Variants in TDRP observed in about 807,000 individuals in gnomAD.
TDRP encodes the protein testis development-related protein.
TDRP carries 12 observed loss-of-function variants against 10.5 expected under a neutral mutation model. The ratio of observed to expected loss-of-function variants is 1.15; its 90% CI spans 0.73 to 1.86. TDRP has a LOEUF of 1.86. Ranked by LOEUF, TDRP falls within the 40% of genes most tolerant of loss-of-function variation. The probability of loss-of-function intolerance (pLI) is 0.00; values close to 1 mark genes in which losing one functional copy is unlikely to be tolerated. For missense variants in TDRP, 353 were observed against 229.2 expected, an observed-to-expected ratio of 1.54 and a Z score of -3.49; for synonymous variants, 139 against 95.4, an observed-to-expected ratio of 1.46 and a Z score of -2.67.
intron 1 of TDRP, among the ~76,000 whole-genome samples, chr8:497,026 G>A (rs1801155382): frequency 6.6e-6 from 1 of 152,194 alleles, no homozygotes; most frequent in South Asian, 2.1e-4. Context: ...AAATTATGCA[G>A]TCTCAGGTAG....
At chr8:538,100 G>C (rs533548576) in intron 1 of TDRP, among the ~76,000 whole-genome samples, 1 of 152,206 alleles carries the variant, frequency 6.6e-6, no homozygotes, top group African/African-American at 2.4e-5. Context: ...CTCCAATCAA[G>C]GCTATCTCAA....
At chr8:496,895 T>C (rs1446863464) in intron 1 of TDRP, among the ~76,000 whole-genome samples, 2 of 152,244 alleles carry the variant, frequency 1.3e-5, no homozygotes, top group East Asian at 1.9e-4. Flanking sequence ...CCTGCCGCCA[T>C]GTAAGACATG....
chr8:492,804 C>A, intron 2 of TDRP, 60 bp from the exon 3 acceptor site: 8 of 1,267,166 alleles, frequency 6.3e-6, no homozygotes, highest in South Asian at 1.8e-5. Flanking sequence ...CAAGCTTTAT[C>A]CATTTTACAA....
In TDRP at chr8:544,787, C is replaced by T. The variant is rs1461784892; in HGVS notation, c.-30G>A. On this transcript the variant is annotated 5_prime_UTR_variant, in exon 1 of 3. Coordinates refer to ENST00000324079, the MANE Select transcript of TDRP (RefSeq NM_001384899.1). The stretch of plus-strand genomic sequence containing the variant: ...AGGCGGGCTCCGGCGTCCCTCCGTC[C>T]GTGCGTCGGGCTGTGGCTCCGCGTC... The T allele has an allele frequency of 4.1e-6, 5 of 1,223,398 alleles. No homozygotes were observed. Among genetic ancestry groups the T allele is most frequent in the South Asian group, 4.1e-5 (1 of 24,348 alleles). 75.8% of individuals were successfully genotyped at this position (1,223,398 alleles called of 1,614,324 possible). A position where few individuals can be genotyped will look rare whatever the true frequency, so the allele number is the denominator to read the frequency against.
intron 1 of TDRP, among the ~76,000 whole-genome samples, chr8:543,317 T>C (rs1802549899): frequency 6.6e-6 from 1 of 151,480 alleles, no homozygotes; most frequent in Admixed American, 6.6e-5. Context: ...TGTCTCAAAA[T>C]AAAAAATAAA....
At chr8:542,298 G>C (rs550403953) in intron 1 of TDRP, among the ~76,000 whole-genome samples, 63 of 152,220 alleles carry the variant, frequency 4.1e-4, no homozygotes, top group African/African-American at 1.5e-3. Context: ...TCCTGTGTGT[G>C]ACACTACAAT....
At chr8:513,909 A>AT (rs1363273674) in intron 1 of TDRP, among the ~76,000 whole-genome samples, 1 of 152,238 alleles carries the variant, frequency 6.6e-6, no homozygotes, top group Non-Finnish European at 1.5e-5. Context: ...TTACATCAAA[A>AT]TAATAAAATA....
chr8:518,776 A>G (rs1397246391), intron 1 of TDRP, among the ~76,000 whole-genome samples: 1 of 151,804 alleles, frequency 6.6e-6, no homozygotes, highest in Non-Finnish European at 1.5e-5. Context: ...TTTTTAGCTT[A>G]AAAGGTCATT....
intron 2 of TDRP, among the ~76,000 whole-genome samples, chr8:493,382 G>C (rs1461097129): frequency 6.6e-6 from 1 of 152,220 alleles, no homozygotes; most frequent in East Asian, 1.9e-4. Flanking sequence ...CTGACAACCA[G>C]GGAACCGGTT....
Position 501,005 on chromosome 8 carries a change from G to A in TDRP, c.109-6408C>T, listed in dbSNP as rs917531902. 4.6e-5 allele frequency among the ~76,000 whole-genome samples: 7 copies of A among 152,264 alleles called. No homozygotes were observed. In the East Asian group the frequency reaches 1.4e-3, roughly 30 times the overall value. ...GTGGATCACAAGGTCAGGAGATCGA[G>A]ACCATCCTGGCTAACACGGTGAAAC... On this transcript the variant is annotated intron_variant, in intron 1 of 2. Transcript: ENST00000324079.
In TDRP at chr8:496,217, T is replaced by C. The variant is rs975048084; in HGVS notation, c.109-1620A>G. 2.0e-5 allele frequency among the ~76,000 whole-genome samples: 3 copies of C among 152,326 alleles called. No homozygotes were observed. In the East Asian group the frequency reaches 5.8e-4, roughly 29 times the overall value. The stretch of plus-strand genomic sequence containing the variant: ...ACAAAAACCGATCACACAACCCATG[T>C]CATGCTGACAGCTTTGGCACACTTG... On this transcript the variant is annotated intron_variant, in intron 1 of 2. Transcript: ENST00000324079.
chr8:535,428 C>A (rs1802319832), intron 1 of TDRP, among the ~76,000 whole-genome samples: 1 of 152,116 alleles, frequency 6.6e-6, no homozygotes, highest in African/African-American at 2.4e-5. Context: ...GGTGAAGGAT[C>A]AGATAAAACG....
intron 1 of TDRP, among the ~76,000 whole-genome samples, chr8:522,155 C>T (rs1386382111): frequency 6.6e-6 from 1 of 152,118 alleles, no homozygotes; most frequent in Non-Finnish European, 1.5e-5. Flanking sequence ...CAGACAGTCC[C>T]CTATTTACAT....
chr8:545,775 C>CCGGACTGA (rs1563136779), upstream of TDRP: 1 of 151,900 alleles, frequency 6.6e-6, no homozygotes, highest in African/African-American at 2.4e-5. Flanking sequence ...CGGGCTCGGC[C>CCGGACTGA]CGGACTGACG....
chr8:521,195 G>C (rs1247763360), intron 1 of TDRP, among the ~76,000 whole-genome samples: 3 of 134,044 alleles, frequency 2.2e-5, no homozygotes, highest in Admixed American at 1.8e-4. Flanking sequence ...GAGGTCAGGA[G>C]ATAGAGATCA....
rs917698598 is a variant in TDRP at position 491,802 on chromosome 8, C to T, written c.*597G>A. 1.6e-6 allele frequency: 2 copies of T among 1,256,708 alleles called. No individual in the cohort carries two copies. The highest frequency in any genetic ancestry group is 3.2e-5 in the South Asian group (1 of 30,820). The allele number at this position is 1,256,708 out of a possible 1,614,324, so 77.8% of individuals were successfully genotyped here. On this transcript the variant is annotated 3_prime_UTR_variant, in exon 3 of 3. Transcript: ENST00000324079. ...AGTGGACATACAAGAAGCTATTCCT[C>T]CCTCAGCAAAAGATGAACATGCATT...
At chr8:530,311 T>C (rs768685115) in intron 1 of TDRP, among the ~76,000 whole-genome samples, 2 of 152,250 alleles carry the variant, frequency 1.3e-5, no homozygotes, top group Non-Finnish European at 2.9e-5. Context: ...GATGATCATT[T>C]TGAATTCTTT....
chr8:544,737 G>T lies in TDRP; in HGVS notation c.21C>A (p.Gly7=), dbSNP rs757632990. 7 of 1,240,076 alleles carry T rather than the reference G, an allele frequency of 5.6e-6. No homozygotes were observed. The highest frequency in any genetic ancestry group is 5.0e-6 in the Non-Finnish European group (5 of 990,596). 76.8% of individuals were successfully genotyped at this position (1,240,076 alleles called of 1,614,324 possible). A position where few individuals can be genotyped will look rare whatever the true frequency, so the allele number is the denominator to read the frequency against. Residue 7 remains glycine (G), a synonymous_variant, in exon 1 of 3, where the codon GGC becomes GGA. Coordinates refer to ENST00000324079, the MANE Select transcript of TDRP (RefSeq NM_001384899.1). ...CGGGGGGCTCGTCCAGCAGCACTCG[G>T]CCCCGGCCCAGCTTCCACATGGTCA... is the stretch of plus-strand genomic sequence containing the variant. MWKLGR[G]RVLLDEPPEE...
rs576869074 is a variant in TDRP, at chr8:544,830, G to A, written c.-73C>T. 6.3e-6 allele frequency: 7 copies of A among 1,102,978 alleles called. No homozygotes were observed. The highest frequency in any genetic ancestry group is 4.6e-5 in the South Asian group (1 of 21,892). The allele number at this position is 1,102,978 out of a possible 1,614,324, so 68.3% of individuals were successfully genotyped here. On this transcript the variant is annotated 5_prime_UTR_variant, in exon 1 of 3. Coordinates refer to ENST00000324079, the MANE Select transcript of TDRP (RefSeq NM_001384899.1). ...TCCGCGTCCCTCCCGGCCGCCGGAC[G>A]CTCTGCCTGCGGCTCCTGCGGGACG...
Sources: gnomAD v4.1 joint callset for allele counts (sites outside exome capture counted in the v4.1 genomes callset) on GRCh38, gnomAD v4.1.1 for gene constraint, MANE v1.5 for transcripts, NCBI Gene and HGNC (gene_info 2026-07-23, HGNC 2026-07-21) for gene names.